The following CPLX2 variants were observed in gnomAD, a reference collection of about 807,000 sequenced individuals.
CPLX2 encodes complexin-2.
A neutral mutation model predicts 16.3 loss-of-function variants in CPLX2; 5 were observed. That is an observed-to-expected ratio of 0.31 (90% CI 0.16 to 0.64). The LOEUF (loss-of-function observed/expected upper bound fraction) is 0.64, where lower values mean the gene tolerates loss of function less well. CPLX2 is among the 30% of genes least tolerant of loss of function. CPLX2 has a pLI of 0.79. For missense variants in CPLX2, 144 were observed against 181.4 expected, an observed-to-expected ratio of 0.79 and a Z score of 1.18; for synonymous variants, 89 against 73.2, an observed-to-expected ratio of 1.22 and a Z score of -1.10.
upstream of CPLX2, chr5:175,871,449 G>GAA (rs1759604083): frequency 9.8e-5 from 12 of 122,430 alleles, no homozygotes; most frequent in African/African-American, 3.2e-4. Context: ...GAGAGAGAGA[G>GAA]AGAGAGAGAG....
intron 2 of CPLX2, among the ~76,000 whole-genome samples, chr5:175,821,784 G>A (rs946761726): frequency 2.6e-5 from 4 of 152,190 alleles, no homozygotes; most frequent in East Asian, 1.9e-4. Context: ...AGCCCCTACC[G>A]GGTGCAGGCA....
intron 1 of CPLX2, among the ~76,000 whole-genome samples, chr5:175,799,548 A>ATATATATATATT (rs1758050916): frequency 8.0e-6 from 1 of 125,484 alleles, no homozygotes; most frequent in Admixed American, 8.2e-5. Context: ...TCATATATAT[A>ATATATATATATT]TATATATATA....
chr5:175,836,329 G>C (rs568335788), intron 2 of CPLX2, among the ~76,000 whole-genome samples: 1 of 151,990 alleles, frequency 6.6e-6, no homozygotes, highest in Non-Finnish European at 1.5e-5. Flanking sequence ...CAGCCTGGGC[G>C]ACAGAGCGAG....
At chr5:175,846,479 G>A (rs1014489846) in intron 2 of CPLX2, among the ~76,000 whole-genome samples, 2 of 152,172 alleles carry the variant, frequency 1.3e-5, no homozygotes, top group Non-Finnish European at 2.9e-5. Context: ...AATCTTCTAG[G>A]TTGAAAGATA....
At chr5:175,803,422 C>T (rs1332861908) in intron 1 of CPLX2, among the ~76,000 whole-genome samples, 12 of 152,014 alleles carry the variant, frequency 7.9e-5, no homozygotes, top group Admixed American at 5.9e-4. Flanking sequence ...AGGAGTGTGC[C>T]GAGGAGGATG....
intron 2 of CPLX2, among the ~76,000 whole-genome samples, chr5:175,813,941 C>T (rs1758358886): frequency 6.6e-6 from 1 of 152,202 alleles, no homozygotes; most frequent in African/African-American, 2.4e-5. Context: ...TTAACCATGG[C>T]CTTCTATTTA....
At chr5:175,837,272 C>T (rs12188152) in intron 2 of CPLX2, among the ~76,000 whole-genome samples, 23 of 152,182 alleles carry the variant, frequency 1.5e-4, no homozygotes, top group African/African-American at 3.9e-4. Context: ...CGTCTCTGCA[C>T]GGCTCCCCGC....
chr5:175,855,693 AG>A (rs1456344985), intron 2 of CPLX2, among the ~76,000 whole-genome samples: 1 of 152,032 alleles, frequency 6.6e-6, no homozygotes, highest in Non-Finnish European at 1.5e-5. Context: ...ACAGAAAGAG[AG>A]GTTTTCTAAT....
In CPLX2 at chr5:175,879,967, G is replaced by GGAGGAGGAA; in HGVS notation, c.334_342dup (p.Glu112_Glu114dup). ...TCCCTGCGGGCTGCGGGGACGAGGAGGAGGAGGAAGAGGAGAGCATCCTGG... is the reference window on the plus strand; with the variant it reads ...TCCCTGCGGGCTGCGGGGACGAGGAGGAGGAGGAAGAGGAGGAAGAGGAGAGCATCCTGG... On this transcript the variant is annotated inframe_insertion, in exon 4 of 4. Coordinates refer to ENST00000393745, the MANE Select transcript of CPLX2 (RefSeq NM_001008220.2). The GGAGGAGGAA allele has an allele frequency of 1.9e-6, 3 of 1,614,106 alleles. No homozygotes were observed. The highest frequency in any genetic ancestry group is 1.7e-6 in the Non-Finnish European group (2 of 1,179,994).
In CPLX2 at chr5:175,882,943, T is replaced by C. The variant is rs1313839922; in HGVS notation, c.*2898T>C. On this transcript the variant is annotated 3_prime_UTR_variant, in exon 4 of 4. Coordinates refer to ENST00000393745, the MANE Select transcript of CPLX2 (RefSeq NM_001008220.2). The stretch of plus-strand genomic sequence containing the variant: ...AATCCTCACAGGATCGCCTGGGAGG[T>C]GAGGTGTGTGTGACCCACTGGATGG... 2 of 151,946 alleles carry C rather than the reference T, an allele frequency of 1.3e-5. No individual in the cohort carries two copies. Among genetic ancestry groups the C allele is most frequent in the Non-Finnish European group, 2.9e-5 (2 of 68,072 alleles). 9.4% of individuals were successfully genotyped at this position (151,946 alleles called of 1,614,324 possible). A position where few individuals can be genotyped will look rare whatever the true frequency, so the allele number is the denominator to read the frequency against.
chr5:175,866,382 C>A (rs116591585), intron 2 of CPLX2, among the ~76,000 whole-genome samples: 3,928 of 152,276 alleles, frequency 0.026, 83 homozygotes, highest in Middle Eastern at 0.065. Context: ...GAACCAGAGG[C>A]AAGAGAGGAA....
chr5:175,847,275 G>A (rs529269689), intron 2 of CPLX2, among the ~76,000 whole-genome samples: 93 of 152,222 alleles, frequency 6.1e-4, no homozygotes, highest in Non-Finnish European at 1.1e-3. Flanking sequence ...TGCGAGCGGC[G>A]CCCATGCCTG....
At chr5:175,839,826 G>T (rs867982988) in intron 2 of CPLX2, among the ~76,000 whole-genome samples, 10 of 152,198 alleles carry the variant, frequency 6.6e-5, no homozygotes, top group African/African-American at 2.4e-4. Context: ...ACTGTAACTT[G>T]ACACAATGAC....
intron 2 of CPLX2, among the ~76,000 whole-genome samples, chr5:175,860,995 C>CA (rs58823187): frequency 0.063 from 4,447 of 70,340 alleles, 202 homozygotes; most frequent in African/African-American, 0.18. Context: ...GTGAGAAATA[C>CA]AAAAAAAAAA....
chr5:175,871,459 G>GAC (rs1200323615), upstream of CPLX2: 3 of 142,550 alleles, frequency 2.1e-5, no homozygotes, highest in Non-Finnish European at 3.1e-5. Context: ...GAGAGAGAGA[G>GAC]AGAGAGAGAG....
chr5:175,825,964 G>A (rs1008876807), intron 2 of CPLX2, among the ~76,000 whole-genome samples: 1 of 91,648 alleles, frequency 1.1e-5, no homozygotes, highest in Non-Finnish European at 2.4e-5. Flanking sequence ...AAAAAAGCCT[G>A]GTAACTGGGG....
chr5:175,860,113 C>T (rs1168402449), intron 2 of CPLX2, among the ~76,000 whole-genome samples: 3 of 152,228 alleles, frequency 2.0e-5, no homozygotes, highest in Non-Finnish European at 2.9e-5. Context: ...GCATCACCCT[C>T]GGGCAGGCCC....
rs542170594 is a variant in CPLX2, at chr5:175,836,126, A to G, written c.-89+27058A>G. ...AGCACTTTGGGAGGCCAAGGCGGGC[A>G]GATCACGAGGTCAGGAGATCGAAAC... is the stretch of plus-strand genomic sequence containing the variant. On this transcript the variant is annotated intron_variant, in intron 2 of 4. Coordinates refer to the CPLX2 transcript ENST00000359546. 1.9e-3 allele frequency among the ~76,000 whole-genome samples: 285 copies of G among 152,228 alleles called. 2 individuals are homozygous for G. The highest frequency in any genetic ancestry group is 5.0e-3 in the Admixed American group (77 of 15,292).
chr5:175,869,827 A>C (rs1759551907), upstream of CPLX2, among the ~76,000 whole-genome samples: 1 of 152,218 alleles, frequency 6.6e-6, no homozygotes, highest in African/African-American at 2.4e-5. Flanking sequence ...AACTGAGCTC[A>C]GTATTTTCCT....
Sources: allele counts gnomAD v4.1 joint callset (sites outside exome capture counted in the v4.1 genomes callset), GRCh38; gene constraint gnomAD v4.1.1; transcripts MANE v1.5; gene names NCBI Gene and HGNC (gene_info 2026-07-23, HGNC 2026-07-21).